NIPAL2: variants seen among roughly 807,000 people sequenced by gnomAD.
The protein encoded by NIPAL2 is NIPA like domain containing 2, also known as NIPA-like protein 2.
NIPAL2 carries 43 observed loss-of-function variants against 48.9 expected under a neutral mutation model. That is an observed-to-expected ratio of 0.88 (90% CI 0.69 to 1.13). The LOEUF is 1.13. Ranked by LOEUF, NIPAL2 falls within the 50% of genes most tolerant of loss-of-function variation. NIPAL2 has a pLI of 0.00. For missense variants in NIPAL2, 446 were observed against 461.4 expected (o/e 0.97, Z 0.31); for synonymous variants, 167 against 174.6 (o/e 0.96, Z 0.34).
intron 4 of NIPAL2, among the ~76,000 whole-genome samples, chr8:98,232,383 G>A (rs907177405): frequency 6.6e-6 from 1 of 152,162 alleles, no homozygotes; most frequent in African/African-American, 2.4e-5. Flanking sequence ...TCAGAGTTGT[G>A]GGAAAGGTTA....
chr8:98,280,174 C>T lies in NIPAL2; in HGVS notation c.135+13829G>A, dbSNP rs112864857. 8.4e-4 allele frequency among the ~76,000 whole-genome samples: 128 copies of T among 152,318 alleles called. 1 individual carries two copies. In the Middle Eastern group the frequency reaches 0.014, roughly 16 times the overall value. ...TACAGGGGTGTGTGGAATTGGTGAT[C>T]TGTCCCAGCTCTGGCTTTGAACTCA... On this transcript the variant is annotated intron_variant, in intron 1 of 10. Coordinates refer to ENST00000430223, the MANE Select transcript of NIPAL2 (RefSeq NM_001321635.2).
intron 4 of NIPAL2, among the ~76,000 whole-genome samples, chr8:98,224,011 T>C (rs1383447957): frequency 6.6e-6 from 1 of 152,238 alleles, no homozygotes; most frequent in Non-Finnish European, 1.5e-5. Flanking sequence ...TAAAGTAGCA[T>C]ATTACTTTAA....
chr8:98,194,454 T>C (rs1034262908), intron 10 of NIPAL2, among the ~76,000 whole-genome samples: 1 of 152,082 alleles, frequency 6.6e-6, no homozygotes, highest in Non-Finnish European at 1.5e-5. Context: ...TCTACCCTTT[T>C]CCAATTTAAG....
intron 5 of NIPAL2, 112 bp downstream of exon 5, chr8:98,222,367 T>C (rs1811936001): frequency 3.4e-6 from 4 of 1,164,154 alleles, no homozygotes; most frequent in Middle Eastern, 2.3e-4. Flanking sequence ...ACATTTAGAT[T>C]TTAATAAGAT....
intron 1 of NIPAL2, among the ~76,000 whole-genome samples, chr8:98,291,256 T>C (rs1416803935): frequency 6.6e-6 from 1 of 152,156 alleles, no homozygotes; most frequent in Non-Finnish European, 1.5e-5. Flanking sequence ...ACCAGAATGA[T>C]AGTTGAATTG....
In NIPAL2 at chr8:98,209,337, G is replaced by A. The variant is rs534949051; in HGVS notation, c.655+3068C>T. The stretch of plus-strand genomic sequence containing the variant: ...TATTAAGACCACTTGGGCCAGGTGT[G>A]GTGGCCCATGCCTGTAATCCTAGCA... On this transcript the variant is annotated intron_variant, in intron 6 of 10. Coordinates refer to ENST00000430223, the MANE Select transcript of NIPAL2 (RefSeq NM_001321635.2). 6.0e-5 allele frequency among the ~76,000 whole-genome samples: 9 copies of A among 150,844 alleles called. No homozygotes were observed. The South Asian group carries it at 1.5e-3, about 25-fold the overall frequency.
rs571836851 is a variant in NIPAL2 at position 98,191,956 on chromosome 8, C to T, written c.*1022G>A. On this transcript the variant is annotated 3_prime_UTR_variant, in exon 11 of 11. Transcript: ENST00000430223. ...CTCTCCTTTTATCTAGAAGAATTTA[C>T]AAAGCTTGAGGTAATGACTTTGGGA... 2.0e-5 allele frequency: 3 copies of T among 152,200 alleles called. No homozygotes were observed. The East Asian group carries it at 5.8e-4, about 29-fold the overall frequency. 9.4% of individuals were successfully genotyped at this position (152,200 alleles called of 1,614,324 possible).
intron 5 of NIPAL2, chr8:98,217,039 C>G (rs746374899): frequency 1.1e-5 from 11 of 984,952 alleles, no homozygotes; most frequent in Non-Finnish European, 1.3e-5. Context: ...TCTTTCTCAC[C>G]TAGTTTGACC....
intron 7 of NIPAL2, among the ~76,000 whole-genome samples, chr8:98,204,473 C>T (rs1351265262): frequency 6.6e-6 from 1 of 152,088 alleles, no homozygotes; most frequent in African/African-American, 2.4e-5. Context: ...CAGGCAAAGG[C>T]ACAATCCCAA....
At chr8:98,217,879 C>G (rs1446826104) in intron 5 of NIPAL2, among the ~76,000 whole-genome samples, 1 of 152,156 alleles carries the variant, frequency 6.6e-6, no homozygotes, top group African/African-American at 2.4e-5. Flanking sequence ...TCTCCCAGAA[C>G]TGTAAAATTC....
intron 1 of NIPAL2, among the ~76,000 whole-genome samples, chr8:98,274,689 T>C (rs1440298726): frequency 6.6e-6 from 1 of 152,062 alleles, no homozygotes; most frequent in African/African-American, 2.4e-5. Context: ...GGATCTCTTA[T>C]ATATAGAAAA....
intron 6 of NIPAL2, among the ~76,000 whole-genome samples, chr8:98,211,411 C>G (rs1811308569): frequency 6.6e-6 from 1 of 152,164 alleles, no homozygotes; most frequent in African/African-American, 2.4e-5. Flanking sequence ...TGATCTATAG[C>G]ATACCTGAAT....
chr8:98,203,947 C>A (rs1327411649), intron 7 of NIPAL2, among the ~76,000 whole-genome samples: 4 of 151,688 alleles, frequency 2.6e-5, no homozygotes, highest in African/African-American at 7.3e-5. Flanking sequence ...CATATACGTA[C>A]AAAAGCCAGG....
chr8:98,293,678 G>A (rs1245085160), intron 1 of NIPAL2, among the ~76,000 whole-genome samples: 1 of 152,210 alleles, frequency 6.6e-6, no homozygotes, highest in Admixed American at 6.5e-5. Flanking sequence ...ATTCCTTCCG[G>A]GAGAAGAGGG....
At chr8:98,213,429 T>C (rs779406968) in intron 5 of NIPAL2, among the ~76,000 whole-genome samples, 16 of 152,146 alleles carry the variant, frequency 1.1e-4, no homozygotes. Flanking sequence ...AGTAAAAATA[T>C]AAACTAGACC....
chr8:98,194,659 C>G, intron 10 of NIPAL2, 69 bp downstream of exon 10: 1 of 811,734 alleles, frequency 1.2e-6, no homozygotes, highest in Non-Finnish European at 1.9e-6. Context: ...ACTTACCACC[C>G]AAAATAATAC....
In NIPAL2 at chr8:98,203,309, G is replaced by A. The variant is rs1163975795; in HGVS notation, c.792-113C>T. 6 of 779,806 alleles carry A rather than the reference G, an allele frequency of 7.7e-6. No individual in the cohort carries two copies. The East Asian group carries it at 1.0e-4, about 13-fold the overall frequency. 48.3% of individuals were successfully genotyped at this position (779,806 alleles called of 1,614,324 possible). ...AGCTACAACTACAAAGGGAAAGGAG[G>A]TGCAGTGAAAGGGCATTTCCAATCA... On this transcript the variant is annotated intron_variant, in intron 7 of 10. Transcript: ENST00000430223.
intron 5 of NIPAL2, among the ~76,000 whole-genome samples, chr8:98,216,327 A>G (rs1811572341): frequency 6.6e-6 from 1 of 152,226 alleles, no homozygotes; most frequent in Admixed American, 6.5e-5. Flanking sequence ...CATCTATCAG[A>G]TGCAGAGGAT....
intron 4 of NIPAL2, 40 bp downstream of exon 4, chr8:98,236,115 C>A: frequency 7.5e-7 from 1 of 1,333,056 alleles, no homozygotes; most frequent in South Asian, 1.2e-5. Context: ...ATTTCCTGAT[C>A]AAGCAATGCT....
Sources: gnomAD v4.1 joint callset for allele counts (sites outside exome capture counted in the v4.1 genomes callset) on GRCh38, gnomAD v4.1.1 for gene constraint, MANE v1.5 for transcripts, NCBI Gene and HGNC (gene_info 2026-07-23, HGNC 2026-07-21) for gene names.